Variants in TRIM49 observed in about 807,000 individuals in gnomAD.
The protein encoded by TRIM49 is tripartite motif containing 49.
A neutral mutation model predicts 27.4 loss-of-function variants in TRIM49; 5 were observed. The observed-to-expected ratio is 0.18, with a 90% CI of 0.10 to 0.38. The LOEUF is 0.38. Ranked by LOEUF, TRIM49 falls within the 10% of genes least tolerant of loss-of-function variation. The pLI, the probability that TRIM49 is intolerant of heterozygous loss-of-function variation, is 1.00. For missense variants in TRIM49, 188 were observed against 487.5 expected, an observed-to-expected ratio of 0.39 and a Z score of 5.79; for synonymous variants, 69 against 166.0, an observed-to-expected ratio of 0.42 and a Z score of 4.49.
chr11:89,766,748 A>G, the TRIM49 span: 1 of 1,488,216 alleles, frequency 6.7e-7, no homozygotes, highest in Non-Finnish European at 9.1e-7. Flanking sequence ...GTTTCTCTAC[A>G]TAGTGAGGAA....
the TRIM49 span, among the ~76,000 whole-genome samples, chr11:89,769,358 A>G: frequency 3.7e-5 from 5 of 136,114 alleles, 1 homozygote; most frequent in Non-Finnish European, 4.5e-5. Context: ...TGACAAAGTA[A>G]TGATGGCAGG....
intron 2 of TRIM49, among the ~76,000 whole-genome samples, chr11:89,805,704 G>T (rs1175326178): frequency 1.4e-5 from 2 of 144,614 alleles, no homozygotes; most frequent in African/African-American, 5.6e-5. Context: ...AATGTGTCAG[G>T]TGTTTTTAGT....
At position 89,799,956 on chromosome 11, in the gene TRIM49, A is replaced by G. The variant is rs1949721435; in HGVS notation, c.762-143T>C. 3.2e-6 allele frequency: 2 copies of G among 616,838 alleles called. 1 individual carries two copies. The highest frequency in any genetic ancestry group is 4.0e-5 in the South Asian group (2 of 50,572). The allele number at this position is 616,838 out of a possible 1,614,324, so 38.2% of individuals were successfully genotyped here. Reference sequence around the variant, plus strand: ...AAATTAATCCTTCCTTTTGCAAATTAATTCTTTACAGTTTCTAAATTTTAA... The same window carrying G: ...AAATTAATCCTTCCTTTTGCAAATTGATTCTTTACAGTTTCTAAATTTTAA... On this transcript the variant is annotated intron_variant, in intron 6 of 7. Transcript: ENST00000329758.
chr11:89,805,106 T>A (rs573470674), intron 2 of TRIM49, among the ~76,000 whole-genome samples: 11 of 151,544 alleles, frequency 7.3e-5, no homozygotes, highest in African/African-American at 2.4e-4. Context: ...AGAAAAAGAC[T>A]GCAATTAAAC....
chr11:89,773,084 G>A, the TRIM49 span, among the ~76,000 whole-genome samples: 9 of 136,552 alleles, frequency 6.6e-5, 2 homozygotes, highest in African/African-American at 1.6e-4. Context: ...CCAGCTACTC[G>A]GGAGGCTGAG....
the TRIM49 span, among the ~76,000 whole-genome samples, chr11:89,792,062 A>G: frequency 6.6e-6 from 1 of 150,736 alleles, no homozygotes; most frequent in Non-Finnish European, 1.5e-5. Flanking sequence ...TATCAAGCAA[A>G]TGGAAAACAA....
chr11:89,804,865 G>GGGCCAAAGAAATATGAGAAGAT (rs1163739484), intron 2 of TRIM49, among the ~76,000 whole-genome samples: 1 of 151,316 alleles, frequency 6.6e-6, no homozygotes, highest in African/African-American at 2.4e-5. Flanking sequence ...AAAACTACCC[G>GGGCCAAAGAAATATGAGAAGAT]GGCCAAAGAA....
intron 2 of TRIM49, among the ~76,000 whole-genome samples, chr11:89,805,247 A>G (rs1392526821): frequency 6.6e-6 from 1 of 150,670 alleles, no homozygotes; most frequent in African/African-American, 2.5e-5. Flanking sequence ...GTTTTTGTTA[A>G]ACTCAGAGAG....
chr11:89,778,197 C>G, the TRIM49 span, among the ~76,000 whole-genome samples: 163 of 150,462 alleles, frequency 1.1e-3, no homozygotes, highest in African/African-American at 3.8e-3. Context: ...CAAATTAATT[C>G]TAGTGTATTG....
downstream of TRIM49, among the ~76,000 whole-genome samples, chr11:89,795,861 T>C (rs1475002847): frequency 2.0e-5 from 3 of 151,186 alleles, no homozygotes; most frequent in East Asian, 6.1e-4. Context: ...GTTGTGCACA[T>C]GTACCCTAGA....
chr11:89,790,501 G>A, the TRIM49 span, among the ~76,000 whole-genome samples: 1 of 151,998 alleles, frequency 6.6e-6, no homozygotes, highest in Admixed American at 6.5e-5. Context: ...GCACCCCCCA[G>A]TAGGGGCAGA....
At chr11:89,792,913 A>G (rs1472750055), downstream of TRIM49, among the ~76,000 whole-genome samples, 2 of 152,164 alleles carry the variant, frequency 1.3e-5, no homozygotes, top group African/African-American at 4.8e-5. Flanking sequence ...ACTGAAGGAG[A>G]TAGAGACACA....
downstream of TRIM49, among the ~76,000 whole-genome samples, chr11:89,792,735 A>T (rs1949663267): frequency 6.6e-6 from 1 of 152,162 alleles, no homozygotes; most frequent in Non-Finnish European, 1.5e-5. Context: ...TCTGGGACAC[A>T]TTTAAAGCAG....
At chr11:89,793,768 G>A (rs1230436784), downstream of TRIM49, among the ~76,000 whole-genome samples, 2 of 151,944 alleles carry the variant, frequency 1.3e-5, no homozygotes. Flanking sequence ...CAATCCCACA[G>A]CCAATAAATA....
the TRIM49 span, chr11:89,777,350 G>A: frequency 6.5e-7 from 1 of 1,530,622 alleles, no homozygotes; most frequent in South Asian, 1.2e-5. Context: ...ATGGCTCACA[G>A]CCACACCCAA....
In TRIM49 at chr11:89,804,045, G is replaced by C; in HGVS notation, c.411+14C>G. 1.2e-6 allele frequency: 2 copies of C among 1,605,074 alleles called. No homozygotes were observed. Among genetic ancestry groups the C allele is most frequent in the Non-Finnish European group, 1.7e-6 (2 of 1,174,984 alleles). ...CTTCCTTTACAGAAATCGATCTTCA[G>C]AGCCATCACTTACCCGGTGTTCCTC... is the stretch of plus-strand genomic sequence containing the variant. On this transcript the variant is annotated intron_variant, in intron 3 of 7. Coordinates refer to ENST00000329758, the MANE Select transcript of TRIM49 (RefSeq NM_020358.2).
intron 2 of TRIM49, among the ~76,000 whole-genome samples, chr11:89,805,906 G>A (rs1490600054): frequency 3.5e-4 from 53 of 150,314 alleles, no homozygotes; most frequent in Non-Finnish European, 6.8e-4. Context: ...TTTTAGTAGA[G>A]ATGGGGTTTT....
rs771309603 is a variant in TRIM49 at position 89,798,595 on chromosome 11, A to G, written c.894T>C (p.Asn298=). 1.9e-6 allele frequency: 3 copies of G among 1,547,046 alleles called. No individual in the cohort carries two copies. Among genetic ancestry groups the G allele is most frequent in the Non-Finnish European group, 2.6e-6 (3 of 1,154,322 alleles). ...HITLHHEEAN[N]DIFLYEILRS... ...TCAAAATTTCATACAGAAAGATATCATTGTTGGCTTCTTCATGATGCAGAG... is the reference window on the plus strand; with the variant it reads ...TCAAAATTTCATACAGAAAGATATCGTTGTTGGCTTCTTCATGATGCAGAG... Residue 298 remains asparagine, a synonymous_variant, in exon 8 of 8, where the codon AAT becomes AAC. Coordinates refer to ENST00000329758, the MANE Select transcript of TRIM49 (RefSeq NM_020358.2).
At chr11:89,773,192 A>G in the TRIM49 span, among the ~76,000 whole-genome samples, 2 of 135,176 alleles carry the variant, frequency 1.5e-5, 1 homozygote, top group Non-Finnish European at 3.1e-5. Context: ...CTGCGTCTCA[A>G]AAAAAAAGTA....
Sources: gnomAD v4.1 joint callset for allele counts (sites outside exome capture counted in the v4.1 genomes callset) on GRCh38, gnomAD v4.1.1 for gene constraint, MANE v1.5 for transcripts, NCBI Gene and HGNC (gene_info 2026-07-23, HGNC 2026-07-21) for gene names.